Variants in PCDH11X observed in about 807,000 individuals in gnomAD.
The protein encoded by PCDH11X is protocadherin 11 X-linked.
PCDH11X carries 18 observed loss-of-function variants against 53.3 expected under a neutral mutation model. The observed-to-expected ratio is 0.34, with a 90% confidence interval of 0.23 to 0.50. PCDH11X has a LOEUF of 0.50. Ranked by LOEUF, PCDH11X falls within the 20% of genes least tolerant of loss-of-function variation. The probability of loss-of-function intolerance (pLI) is 0.98; values close to 1 mark genes in which losing one functional copy is unlikely to be tolerated. For missense variants in PCDH11X, 570 were observed against 1,032.4 expected, an observed-to-expected ratio of 0.55 and a Z score of 6.14; for synonymous variants, 279 against 393.3, an observed-to-expected ratio of 0.71 and a Z score of 3.44.
chrX:92,235,862 G>A (rs954919010), intron 7 of PCDH11X, among the ~76,000 whole-genome samples: 2 of 110,270 alleles, frequency 1.8e-5, no homozygotes, highest in African/African-American at 6.6e-5. Context: ...CGTACAGCCC[G>A]GGGTAGGATT....
chrX:91,780,106 C>T (rs1407329681), intron 1 of PCDH11X, among the ~76,000 whole-genome samples: 1 of 111,867 alleles, frequency 8.9e-6, no homozygotes, highest in African/African-American at 3.3e-5. Flanking sequence ...CAGACTCGCC[C>T]GGCTGAGAGA....
At chrX:92,522,571 G>T (rs1371920380) in intron 10 of PCDH11X, among the ~76,000 whole-genome samples, 1 of 111,068 alleles carries the variant, frequency 9.0e-6, no homozygotes, top group East Asian at 2.8e-4. Context: ...TAGACTTGTT[G>T]GACACAAGGT....
intron 8 of PCDH11X, among the ~76,000 whole-genome samples, chrX:92,383,484 C>A (rs142096275): frequency 0.024 from 2,673 of 110,367 alleles, 87 homozygotes; most frequent in African/African-American, 0.083. Context: ...TAGCCCCACA[C>A]CCTCCAACAG....
intron 6 of PCDH11X, among the ~76,000 whole-genome samples, chrX:92,073,600 A>G (rs1472942523): frequency 8.9e-6 from 1 of 112,516 alleles, no homozygotes; most frequent in Admixed American, 9.5e-5. Context: ...GCATTTATAC[A>G]GGAAGCTGGA....
chrX:92,412,142 AGAGGAG>A (rs1288607976), intron 9 of PCDH11X, among the ~76,000 whole-genome samples: 2 of 77,074 alleles, frequency 2.6e-5, no homozygotes, highest in Admixed American at 2.7e-4. Flanking sequence ...CAGCAGCAGC[AGAGGAG>A]GAGGAGGAGG....
chrX:92,350,946 G>A (rs2070030730), intron 8 of PCDH11X, among the ~76,000 whole-genome samples: 1 of 111,795 alleles, frequency 8.9e-6, no homozygotes. Context: ...TGCACTGATA[G>A]ACAATGAAAA....
At chrX:91,847,750 T>A (rs1244211378) in intron 5 of PCDH11X, among the ~76,000 whole-genome samples, 4 of 111,596 alleles carry the variant, frequency 3.6e-5, no homozygotes, top group African/African-American at 1.3e-4. Flanking sequence ...CAAGCTTACA[T>A]AGGGTGAATT....
intron 6 of PCDH11X, among the ~76,000 whole-genome samples, chrX:92,183,167 C>T (rs990585888): frequency 1.8e-5 from 2 of 110,594 alleles, no homozygotes; most frequent in African/African-American, 3.3e-5. Flanking sequence ...CATCATTTTG[C>T]TCTTGGATTA....
intron 6 of PCDH11X, among the ~76,000 whole-genome samples, chrX:91,891,065 A>G (rs1438639325): frequency 9.3e-5 from 10 of 107,675 alleles, no homozygotes; most frequent in Non-Finnish European, 1.7e-4. Flanking sequence ...AAGAAGATTT[A>G]AAATACAAGA....
intron 6 of PCDH11X, among the ~76,000 whole-genome samples, chrX:92,134,458 G>A: frequency 9.1e-6 from 1 of 110,438 alleles, no homozygotes; most frequent in Non-Finnish European, 1.9e-5. Context: ...TAATTACTTT[G>A]ACAATACGTT....
chrX:91,846,400 G>A (rs1429483728), intron 5 of PCDH11X, among the ~76,000 whole-genome samples: 11 of 110,450 alleles, frequency 1.0e-4, no homozygotes, highest in Admixed American at 9.7e-4. Context: ...GGCGGATCAC[G>A]AGGTCAGGAG....
At chrX:92,059,911 T>C (rs1287941851) in intron 6 of PCDH11X, among the ~76,000 whole-genome samples, 1 of 110,741 alleles carries the variant, frequency 9.0e-6, no homozygotes, top group African/African-American at 3.3e-5. Flanking sequence ...AACTTATATA[T>C]ATATTAACCA....
intron 10 of PCDH11X, among the ~76,000 whole-genome samples, chrX:92,558,990 C>T (rs1376930598): frequency 1.8e-5 from 2 of 110,469 alleles, no homozygotes; most frequent in Non-Finnish European, 3.8e-5. Flanking sequence ...GCTATGGGAA[C>T]ACTTTTTACA....
intron 5 of PCDH11X, among the ~76,000 whole-genome samples, chrX:91,846,150 T>C (rs980011345): frequency 2.7e-5 from 3 of 111,863 alleles, no homozygotes; most frequent in Non-Finnish European, 3.8e-5. Flanking sequence ...ATTTTAGGTA[T>C]TGATTAATGT....
At chrX:92,524,331 A>T (rs2074413724) in intron 10 of PCDH11X, among the ~76,000 whole-genome samples, 1 of 110,015 alleles carries the variant, frequency 9.1e-6, no homozygotes, top group African/African-American at 3.3e-5. Flanking sequence ...GAAAATCCAG[A>T]TGTCCAAATT....
In PCDH11X at chrX:91,936,004, G is replaced by T. The variant is rs759383314; in HGVS notation, c.3033+56731G>T. ...AATAGATTGTTGATGTTTCTTACCAGACTTAATGTATTGCTGTTAATGTTG... is the reference window on the plus strand; with the variant it reads ...AATAGATTGTTGATGTTTCTTACCATACTTAATGTATTGCTGTTAATGTTG... On this transcript the variant is annotated intron_variant, in intron 6 of 10. Coordinates refer to ENST00000682573, the MANE Select transcript of PCDH11X (RefSeq NM_032968.5). Among the ~76,000 whole-genome samples, 493 of 106,108 alleles carry T rather than the reference G, an allele frequency of 4.6e-3. 6 individuals are homozygous for T. Among genetic ancestry groups the T allele is most frequent in the African/African-American group, 0.016 (472 of 29,069 alleles). The allele number at this position is 106,108 out of a possible 115,157, so 92.1% of individuals were successfully genotyped here. A position where few individuals can be genotyped will look rare whatever the true frequency, so the allele number is the denominator to read the frequency against.
intron 6 of PCDH11X, among the ~76,000 whole-genome samples, chrX:92,092,395 A>T (rs1283363134): frequency 9.0e-6 from 1 of 111,620 alleles, no homozygotes; most frequent in Non-Finnish European, 1.9e-5. Context: ...TAGAAAGTTT[A>T]TGTTGCCAAG....
At chrX:92,533,534 C>G (rs2074598536) in intron 10 of PCDH11X, among the ~76,000 whole-genome samples, 1 of 106,695 alleles carries the variant, frequency 9.4e-6, no homozygotes, top group Non-Finnish European at 1.9e-5. Flanking sequence ...GAAGAACCGA[C>G]AGAAGACCTG....
At chrX:92,137,029 C>T (rs1379482307) in intron 6 of PCDH11X, among the ~76,000 whole-genome samples, 6 of 102,666 alleles carry the variant, frequency 5.8e-5, no homozygotes, top group Admixed American at 1.1e-4. Context: ...GTTGCCCAGG[C>T]TGGAGTGCAG....
Sources: allele counts gnomAD v4.1 joint callset (sites outside exome capture counted in the v4.1 genomes callset), GRCh38; gene constraint gnomAD v4.1.1; transcripts MANE v1.5; gene names NCBI Gene and HGNC (gene_info 2026-07-23, HGNC 2026-07-21).